The following LRMDA variants were observed in gnomAD, a reference collection of about 807,000 sequenced individuals.
LRMDA encodes the protein leucine-rich melanocyte differentiation-associated protein.
Under a neutral mutation model 29.8 loss-of-function variants are expected in LRMDA, and 18 were observed. The observed-to-expected ratio is 0.60, with a 90% CI of 0.42 to 0.90. LRMDA has a LOEUF of 0.90. Among genes scored for constraint, LRMDA ranks in the 40% least tolerant of loss-of-function variants. The pLI is 0.00. For missense variants in LRMDA, 273 were observed against 273.9 expected (o/e 1.00, Z 0.02); for synonymous variants, 125 against 109.4 (o/e 1.14, Z -0.89).
At chr10:75,611,174 A>G (rs74147135) in intron 2 of LRMDA, among the ~76,000 whole-genome samples, 14,720 of 152,108 alleles carry the variant, frequency 0.097, 2,262 homozygotes, top group African/African-American at 0.33. Flanking sequence ...GGTAGGCATT[A>G]GGAGTGATGA....
In LRMDA at chr10:76,234,392, C is replaced by T. The variant is rs965431613; in HGVS notation, c.517-90009C>T. On this transcript the variant is annotated intron_variant, in intron 5 of 6. Coordinates refer to ENST00000611255, the MANE Select transcript of LRMDA (RefSeq NM_001305581.2). Reference sequence around the variant, plus strand: ...TAGCACACAGGCAGAGTAGATTTAGCGTAATTCTTAAGGGCCCTAGAATTT... The same window carrying T: ...TAGCACACAGGCAGAGTAGATTTAGTGTAATTCTTAAGGGCCCTAGAATTT... Among the ~76,000 whole-genome samples, 6 of 152,086 alleles carry T rather than the reference C, an allele frequency of 3.9e-5. No individual in the cohort carries two copies. In the East Asian group the frequency reaches 7.7e-4, roughly 20 times the overall value.
intron 2 of LRMDA, among the ~76,000 whole-genome samples, chr10:75,636,232 CCT>C (rs1437628295): frequency 6.6e-6 from 1 of 152,206 alleles, no homozygotes; most frequent in African/African-American, 2.4e-5. Context: ...TAGATTCAGA[CCT>C]GAATTCAAAT....
intron 6 of LRMDA, among the ~76,000 whole-genome samples, chr10:76,437,790 G>A (rs1842260005): frequency 6.6e-6 from 1 of 152,132 alleles, no homozygotes; most frequent in South Asian, 2.1e-4. Flanking sequence ...AAGGCCTTTG[G>A]GTCAGTCCTG....
At chr10:75,783,473 A>C in intron 2 of LRMDA, among the ~76,000 whole-genome samples, 1 of 148,768 alleles carries the variant, frequency 6.7e-6, no homozygotes, top group East Asian at 2.0e-4. Context: ...GTAAAGACTT[A>C]CTGCTCAGAG....
chr10:76,370,423 G>T (rs1327271660), intron 6 of LRMDA, among the ~76,000 whole-genome samples: 2 of 152,032 alleles, frequency 1.3e-5, no homozygotes, highest in Non-Finnish European at 2.9e-5. Flanking sequence ...TATTTCATTT[G>T]TATTCACTAT....
At chr10:75,602,248 G>A (rs996792125) in intron 2 of LRMDA, among the ~76,000 whole-genome samples, 1 of 152,080 alleles carries the variant, frequency 6.6e-6, no homozygotes, top group African/African-American at 2.4e-5. Context: ...TGGAGTTAAG[G>A]GAGGAGGGAT....
At chr10:76,153,399 A>G (rs1850482272) in intron 5 of LRMDA, among the ~76,000 whole-genome samples, 1 of 152,164 alleles carries the variant, frequency 6.6e-6, no homozygotes, top group African/African-American at 2.4e-5. Flanking sequence ...GACTAATCCA[A>G]GGTCATGAAG....
intron 2 of LRMDA, among the ~76,000 whole-genome samples, chr10:75,484,207 T>C: frequency 6.6e-6 from 1 of 152,174 alleles, no homozygotes; most frequent in Admixed American, 6.5e-5. Flanking sequence ...CTTCCCATCT[T>C]GGCCTCTCAA....
intron 2 of LRMDA, among the ~76,000 whole-genome samples, chr10:75,566,693 G>C (rs1404265267): frequency 4.6e-5 from 7 of 152,022 alleles, no homozygotes; most frequent in African/African-American, 7.2e-5. Context: ...TTTTCTGGCT[G>C]CTTTTTTTCT....
At chr10:76,188,775 G>T (rs2132218287) in intron 5 of LRMDA, among the ~76,000 whole-genome samples, 1 of 152,256 alleles carries the variant, frequency 6.6e-6, no homozygotes, top group Admixed American at 6.5e-5. Context: ...AGACTCCAAA[G>T]GCTGGAATCC....
chr10:75,497,121 G>A (rs1037636405), intron 2 of LRMDA, among the ~76,000 whole-genome samples: 2 of 152,102 alleles, frequency 1.3e-5, no homozygotes, highest in African/African-American at 4.8e-5. Flanking sequence ...AGGTGGTTGA[G>A]ATAGTGATGA....
chr10:76,153,628 A>AT (rs1384682803), intron 5 of LRMDA, among the ~76,000 whole-genome samples: 4 of 152,166 alleles, frequency 2.6e-5, no homozygotes, highest in Non-Finnish European at 2.9e-5. Context: ...ATGCTGTTAG[A>AT]TTTTTTAAAT....
chr10:75,600,889 C>G (rs930848994), intron 2 of LRMDA, among the ~76,000 whole-genome samples: 2 of 152,176 alleles, frequency 1.3e-5, no homozygotes, highest in South Asian at 2.1e-4. Flanking sequence ...GTTAAACCAC[C>G]AAGTGCAGAG....
chr10:76,245,604 T>A (rs1852361504), intron 5 of LRMDA, among the ~76,000 whole-genome samples: 1 of 152,244 alleles, frequency 6.6e-6, no homozygotes, highest in South Asian at 2.1e-4. Context: ...GGCAATCACT[T>A]TACCCACATT....
intron 5 of LRMDA, among the ~76,000 whole-genome samples, chr10:76,220,883 G>C (rs868242909): frequency 6.6e-6 from 1 of 152,080 alleles, no homozygotes; most frequent in Admixed American, 6.6e-5. Context: ...TAAAATACTG[G>C]CAAACCGAAT....
At chr10:75,696,455 G>A (rs1184989795) in intron 2 of LRMDA, among the ~76,000 whole-genome samples, 5 of 152,206 alleles carry the variant, frequency 3.3e-5, no homozygotes, top group Middle Eastern at 3.2e-3. Flanking sequence ...TCAAAAAGGG[G>A]AGAACTGGAA....
intron 2 of LRMDA, among the ~76,000 whole-genome samples, chr10:75,960,825 C>G (rs1002980215): frequency 6.6e-6 from 1 of 152,092 alleles, no homozygotes; most frequent in African/African-American, 2.4e-5. Context: ...CCGTGTTAGC[C>G]AGGATGGTGT....
intron 6 of LRMDA, among the ~76,000 whole-genome samples, chr10:76,480,554 G>A (rs975203044): frequency 1.3e-5 from 2 of 151,944 alleles, no homozygotes; most frequent in African/African-American, 4.8e-5. Flanking sequence ...TGGCTTTAGT[G>A]ACAAAGCCAG....
At chr10:76,058,637 C>T (rs765942642) in intron 4 of LRMDA, 29 bp from the exon 5 acceptor site, 1 of 1,576,256 alleles carries the variant, frequency 6.3e-7, no homozygotes, top group Non-Finnish European at 8.7e-7. Context: ...CTCAAACTTC[C>T]TGAGTTGTCT....
Sources: allele counts gnomAD v4.1 joint callset (sites outside exome capture counted in the v4.1 genomes callset), GRCh38; gene constraint gnomAD v4.1.1; transcripts MANE v1.5; gene names NCBI Gene and HGNC (gene_info 2026-07-23, HGNC 2026-07-21).